The following TRPM7 variants were observed in gnomAD, a reference collection of about 807,000 sequenced individuals.
TRPM7 encodes the protein transient receptor potential cation channel subfamily M member 7, also known as LTRPC ion channel family member 7.
Under a neutral mutation model 229.7 loss-of-function variants are expected in TRPM7, and 134 were observed. That is an observed-to-expected ratio of 0.58 (90% CI 0.51 to 0.67). TRPM7 has a LOEUF of 0.67. Among genes scored for constraint, TRPM7 ranks in the 30% least tolerant of loss-of-function variants. The probability of loss-of-function intolerance (pLI) is 0.00; values close to 1 mark genes in which losing one functional copy is unlikely to be tolerated. For synonymous variants in TRPM7, 699 were observed against 715.2 expected, an observed-to-expected ratio of 0.98 and a Z score of 0.36; for missense variants, 1,901 against 2,210.0, an observed-to-expected ratio of 0.86 and a Z score of 2.80.
intron 8 of TRPM7, among the ~76,000 whole-genome samples, chr15:50,633,828 G>A (rs1328841284): frequency 6.6e-6 from 1 of 152,144 alleles, no homozygotes; most frequent in Non-Finnish European, 1.5e-5. Context: ...AAAGATAAGT[G>A]CCTCTACGTT....
intron 8 of TRPM7, among the ~76,000 whole-genome samples, chr15:50,633,261 T>C (rs1008355833): frequency 2.0e-5 from 3 of 152,206 alleles, no homozygotes; most frequent in Non-Finnish European, 4.4e-5. Context: ...TTACATAAGA[T>C]ATTGTATAAA....
At position 50,610,175 on chromosome 15, in the gene TRPM7, CA is replaced by C. The variant is rs371147114; in HGVS notation, c.2281-215del. Among the ~76,000 whole-genome samples, 18 of 151,918 alleles carry C rather than the reference CA, an allele frequency of 1.2e-4. No homozygotes were observed. The East Asian group carries it at 3.1e-3, about 26-fold the overall frequency. On this transcript the variant is annotated intron_variant, in intron 17 of 38. Coordinates refer to ENST00000646667, the MANE Select transcript of TRPM7 (RefSeq NM_017672.6). ...CAAGTTTAACTGTTTTAAAGAGTAA[CA>C]AAACATTTGATTATTATGATAATAA...
intron 3 of TRPM7, among the ~76,000 whole-genome samples, chr15:50,656,499 C>CTTT (rs75557468): frequency 0.028 from 3,684 of 133,468 alleles, 187 homozygotes; most frequent in African/African-American, 0.098. Context: ...GTGTGGTTTT[C>CTTT]TTTTTTTTTT....
intron 26 of TRPM7, 60 bp from the exon 27 acceptor site, chr15:50,589,716 G>A: frequency 1.8e-6 from 2 of 1,113,624 alleles, no homozygotes; most frequent in Non-Finnish European, 2.7e-6. Context: ...CCGAAATAAT[G>A]GCACTGCTTA....
At chr15:50,618,033 TTTAAG>T (rs2060277431) in intron 13 of TRPM7, among the ~76,000 whole-genome samples, 1 of 152,142 alleles carries the variant, frequency 6.6e-6, no homozygotes, top group African/African-American at 2.4e-5. Flanking sequence ...CTAAACAAAA[TTTAAG>T]TTTAGAAACT....
chr15:50,621,543 T>C (rs1351668072), intron 12 of TRPM7, among the ~76,000 whole-genome samples: 2 of 152,184 alleles, frequency 1.3e-5, no homozygotes, highest in African/African-American at 4.8e-5. Context: ...CCTAATCATA[T>C]TAAAATTGTA....
rs1048703741 is a variant in TRPM7, at chr15:50,631,442, T to C, written c.1179A>G (p.Val393=). The C allele has an allele frequency of 3.1e-6, 5 of 1,610,104 alleles. No homozygotes were observed. Among genetic ancestry groups the C allele is most frequent in the African/African-American group, 2.7e-5 (2 of 74,822 alleles). Residue 393 remains valine, a synonymous_variant, in exon 10 of 39, where the codon GTA becomes GTG. Transcript: ENST00000646667. Reference sequence around the variant, plus strand: ...CTTTTAGCAGTGCAGTAAGTATTGCTACATCTATATCTTGATGTTCATCTG... The same window carrying C: ...CTTTTAGCAGTGCAGTAAGTATTGCCACATCTATATCTTGATGTTCATCTG... ...IGSDEHQDID[V]AILTALLKGT...
At chr15:50,561,896 CTTTTA>C in intron 38 of TRPM7, 88 bp from the exon 39 acceptor site, 1 of 1,278,874 alleles carries the variant, frequency 7.8e-7, no homozygotes, top group Non-Finnish European at 1.0e-6. Flanking sequence ...AATTAGGAAC[CTTTTA>C]TTTTCTTTTC....
chr15:50,659,961 G>A (rs1483431486), intron 2 of TRPM7, among the ~76,000 whole-genome samples: 1 of 152,018 alleles, frequency 6.6e-6, no homozygotes, highest in Non-Finnish European at 1.5e-5. Context: ...CACCACACCC[G>A]ACCAACAAAA....
intron 21 of TRPM7, among the ~76,000 whole-genome samples, chr15:50,603,782 A>G (rs942056515): frequency 3.3e-5 from 5 of 152,216 alleles, no homozygotes; most frequent in African/African-American, 1.2e-4. Flanking sequence ...AGAAACTCTA[A>G]GAATAGCTTT....
chr15:50,671,129 T>G (rs182356643), intron 1 of TRPM7, among the ~76,000 whole-genome samples: 1 of 152,338 alleles, frequency 6.6e-6, no homozygotes, highest in South Asian at 2.1e-4. Context: ...GTAGTCACCA[T>G]GTTGTACAGA....
In TRPM7 at chr15:50,592,635, G is replaced by A. The variant is rs780289451; in HGVS notation, c.3609-9C>T. 1.3e-6 allele frequency: 2 copies of A among 1,496,500 alleles called. No homozygotes were observed. Among genetic ancestry groups the A allele is most frequent in the East Asian group, 2.3e-5 (1 of 43,622 alleles). 92.7% of individuals were successfully genotyped at this position (1,496,500 alleles called of 1,614,324 possible). A position where few individuals can be genotyped will look rare whatever the true frequency, so the allele number is the denominator to read the frequency against. On this transcript the variant is annotated splice_polypyrimidine_tract_variant and intron_variant, in intron 25 of 38. Coordinates refer to ENST00000646667, the MANE Select transcript of TRPM7 (RefSeq NM_017672.6). ...TGCACATCTGTTCCACTCTGTAGGA[G>A]AGAAATAAGCTTTTTTTACAAATGT...
rs1404599021 is a variant in TRPM7, at chr15:50,612,666, C to A, written c.1934G>T (p.Gly645Val). ...TAATGCTTTAGCCATTGATTCTTCA[C>A]CATGTTGCCATAAAAAACGGGCCAT... ...QVMARFLWQH[G>V]EESMAKALVA... Residue 645 changes from glycine to valine, a missense_variant, in exon 16 of 39, where the codon GGT (glycine) becomes GTT (valine). Gly to Val is a moderately radical substitution (Grantham distance 109). This residue lies in a region of TRPM7 where 794 missense variants were observed against 881.9 expected (regional missense o/e 0.90). Coordinates refer to ENST00000646667, the MANE Select transcript of TRPM7 (RefSeq NM_017672.6). 6.2e-7 allele frequency: 1 copy of A among 1,614,152 alleles called. No homozygotes were observed. The highest frequency in any genetic ancestry group is 1.1e-5 in the South Asian group (1 of 91,082).
At chr15:50,567,986 G>A (rs1170847024) in intron 38 of TRPM7, among the ~76,000 whole-genome samples, 3 of 151,640 alleles carry the variant, frequency 2.0e-5, no homozygotes, top group South Asian at 2.1e-4. Context: ...GGCTGAGGCC[G>A]GAGAATGGCG....
Position 50,624,301 on chromosome 15 carries a change from C to T in TRPM7, c.1306-1G>A. ...GCATAGCTTGTTCCAAGGATCCAAC[C>T]TAGGAGTATCAAATTTAATAAATAC... On this transcript the variant is annotated splice_acceptor_variant, in intron 11 of 38. Transcript: ENST00000646667. LOFTEE classifies it high-confidence loss of function. 1 of 1,577,008 alleles carries T rather than the reference C, an allele frequency of 6.3e-7. No individual in the cohort carries two copies. Among genetic ancestry groups the T allele is most frequent in the Non-Finnish European group, 8.6e-7 (1 of 1,166,958 alleles).
intron 1 of TRPM7, among the ~76,000 whole-genome samples, chr15:50,680,956 T>A (rs2062228723): frequency 6.6e-6 from 1 of 152,104 alleles, no homozygotes; most frequent in Non-Finnish European, 1.5e-5. Flanking sequence ...TCCTGCGGGA[T>A]TAATATATGT....
intron 13 of TRPM7, among the ~76,000 whole-genome samples, chr15:50,619,354 G>A (rs1289931011): frequency 6.6e-6 from 1 of 151,572 alleles, no homozygotes; most frequent in Non-Finnish European, 1.5e-5. Context: ...CCGAGTAGCT[G>A]GTACTACAGG....
intron 7 of TRPM7, among the ~76,000 whole-genome samples, chr15:50,636,273 C>T (rs2060904631): frequency 6.6e-6 from 1 of 151,854 alleles, no homozygotes; most frequent in Non-Finnish European, 1.5e-5. Flanking sequence ...TCACTGCAGC[C>T]TCCGCCTCCT....
At chr15:50,649,363 C>T (rs1026278402) in intron 3 of TRPM7, among the ~76,000 whole-genome samples, 14 of 151,184 alleles carry the variant, frequency 9.3e-5, no homozygotes, top group African/African-American at 3.2e-4. Flanking sequence ...TGGTTGAGCC[C>T]GTCAGGGCTG....
Sources: gnomAD v4.1 joint callset for allele counts (sites outside exome capture counted in the v4.1 genomes callset) on GRCh38, gnomAD v4.1.1 for gene constraint, gnomAD v4.1.1 regional missense constraint, MANE v1.5 for transcripts, NCBI Gene and HGNC (gene_info 2026-07-23, HGNC 2026-07-21) for gene names.